GTF3C5: variants seen among roughly 807,000 people sequenced by gnomAD.
GTF3C5 encodes the protein general transcription factor 3C polypeptide 5.
In GTF3C5, 47 loss-of-function variants were observed where a neutral mutation model predicts 61.0. That is an observed-to-expected ratio of 0.77 (90% confidence interval 0.61 to 0.98). The LOEUF (loss-of-function observed/expected upper bound fraction) is 0.98, where lower values mean the gene tolerates loss of function less well. Ranked by LOEUF, GTF3C5 falls within the 50% of genes least tolerant of loss-of-function variation. GTF3C5 has a pLI of 0.00. For synonymous variants in GTF3C5, 295 were observed against 275.4 expected, an observed-to-expected ratio of 1.07 and a Z score of -0.71; for missense variants, 659 against 703.3, an observed-to-expected ratio of 0.94 and a Z score of 0.71.
At chr9:133,036,418 A>G (rs1849861338) in intron 1 of GTF3C5, among the ~76,000 whole-genome samples, 1 of 152,154 alleles carries the variant, frequency 6.6e-6, no homozygotes, top group Non-Finnish European at 1.5e-5. Flanking sequence ...TGCTTTCTTC[A>G]GTTAACAAAG....
upstream of GTF3C5, chr9:133,030,750 C>G: frequency 3.4e-6 from 2 of 586,924 alleles, no homozygotes; most frequent in East Asian, 3.0e-5. Flanking sequence ...GTAGGAGAGA[C>G]TGGTGCTTGC....
intron 1 of GTF3C5, among the ~76,000 whole-genome samples, chr9:133,038,336 G>A (rs1849937647): frequency 6.6e-6 from 1 of 152,096 alleles, no homozygotes; most frequent in Non-Finnish European, 1.5e-5. Context: ...AACGGAGAGT[G>A]TGGTGGACTC....
At chr9:133,052,918 C>T (rs753689244) in intron 5 of GTF3C5, among the ~76,000 whole-genome samples, 41 of 152,162 alleles carry the variant, frequency 2.7e-4, no homozygotes, top group Non-Finnish European at 5.7e-4. Context: ...CTGCAACCTC[C>T]GCCTCTGGGA....
At chr9:133,042,745 A>G (rs1014133281) in intron 2 of GTF3C5, among the ~76,000 whole-genome samples, 7 of 152,078 alleles carry the variant, frequency 4.6e-5, no homozygotes, top group South Asian at 4.1e-4. Context: ...GGAGCCCTCA[A>G]TCAGGTTTCC....
chr9:133,038,411 G>A (rs1034599355), intron 1 of GTF3C5, among the ~76,000 whole-genome samples: 2 of 151,876 alleles, frequency 1.3e-5, no homozygotes, highest in African/African-American at 4.8e-5. Context: ...TCTCCCCAGG[G>A]GACAGAGGGG....
chr9:133,052,391 A>G (rs1461251395), intron 5 of GTF3C5, among the ~76,000 whole-genome samples: 2 of 77,852 alleles, frequency 2.6e-5, no homozygotes, highest in African/African-American at 1.0e-4. Flanking sequence ...TGGCACCCCC[A>G]TCCTTCCTTC....
At chr9:133,046,528 G>A (rs1288254602) in intron 3 of GTF3C5, among the ~76,000 whole-genome samples, 3 of 152,166 alleles carry the variant, frequency 2.0e-5, no homozygotes, top group Admixed American at 2.0e-4. Flanking sequence ...TCTTTGAAGG[G>A]GTGGGAGGGC....
chr9:133,049,830 C>T (rs910587381), intron 3 of GTF3C5, among the ~76,000 whole-genome samples: 12 of 152,104 alleles, frequency 7.9e-5, no homozygotes, highest in Non-Finnish European at 1.5e-4. Context: ...TAAGGCGCAG[C>T]GATTTCTCCT....
intron 5 of GTF3C5, among the ~76,000 whole-genome samples, chr9:133,052,978 G>A (rs565462556): frequency 7.9e-5 from 12 of 151,952 alleles, no homozygotes; most frequent in African/African-American, 2.9e-4. Flanking sequence ...GAGTACAGGC[G>A]CACGCCACCA....
At chr9:133,055,914 C>A in intron 8 of GTF3C5, 98 bp from the exon 9 acceptor site, 1 of 1,556,916 alleles carries the variant, frequency 6.4e-7, no homozygotes, top group Non-Finnish European at 8.7e-7. Context: ...CAGCCAGCTC[C>A]CTGGAGAGAC....
Position 133,054,454 on chromosome 9 carries a change from C to T in GTF3C5, c.1035C>T (p.Tyr345=). The T allele has an allele frequency of 6.2e-7, 1 of 1,614,180 alleles. No homozygotes were observed. The highest frequency in any genetic ancestry group is 8.5e-7 in the Non-Finnish European group (1 of 1,180,026). The change falls in exon 7 of 11, where the codon TAC becomes TAT. Residue 345 remains tyrosine, a synonymous_variant. Transcript: ENST00000372097. The part of the protein sequence containing the change: ...DLPVKAKRST[Y]NYSLPITVKK... ...CGGTCAAAGCAAAGCGCAGCACCTACAACTACAGCCTCCCCATCACCGTCA... is the reference window on the plus strand; with the variant it reads ...CGGTCAAAGCAAAGCGCAGCACCTATAACTACAGCCTCCCCATCACCGTCA...
upstream of GTF3C5, chr9:133,030,828 A>G: frequency 1.4e-6 from 1 of 702,884 alleles, no homozygotes; most frequent in Non-Finnish European, 2.6e-6. Flanking sequence ...GTTTTCCCGA[A>G]GACATGGGCC....
At position 133,043,856 on chromosome 9, in the gene GTF3C5, A is replaced by G. The variant is rs774324292; in HGVS notation, c.502A>G (p.Ile168Val). 1.2e-6 allele frequency: 2 copies of G among 1,614,014 alleles called. No individual in the cohort carries two copies. The highest frequency in any genetic ancestry group is 1.7e-5 in the Admixed American group (1 of 60,004). Residue 168 changes from isoleucine (I) to valine (V), a missense_variant, in exon 3 of 11, where the codon ATC (isoleucine) becomes GTC (valine). Ile to Val is a conservative substitution (Grantham distance 29). Coordinates refer to ENST00000372097, the MANE Select transcript of GTF3C5 (RefSeq NM_012087.4). ...AFFHQELPLY[I>V]PPPIFSRLDA... is the part of the protein sequence containing the mutation. ...TTTCCACCAGGAGCTGCCGCTCTAC[A>G]TCCCCCCACCCATCTTCTCCCGGCT...
Position 133,043,824 on chromosome 9 carries a change from A to C in GTF3C5, c.470A>C (p.Glu157Ala), listed in dbSNP as rs751042827. 24 of 1,613,860 alleles carry C rather than the reference A, an allele frequency of 1.5e-5. No homozygotes were observed. The South Asian group carries it at 2.4e-4, about 16-fold the overall frequency. Residue 157 changes from glutamate (E) to alanine (A), a missense_variant, in exon 3 of 11, where the codon GAG (glutamate) becomes GCG (alanine). By Grantham distance (107) the Glu-to-Ala change is moderately radical. Coordinates refer to ENST00000372097, the MANE Select transcript of GTF3C5 (RefSeq NM_012087.4). ...GTGCTCATGCTCCGGCCCGAGAAGGAGGCCTTTTTCCACCAGGAGCTGCCG... is the reference window on the plus strand; with the variant it reads ...GTGCTCATGCTCCGGCCCGAGAAGGCGGCCTTTTTCCACCAGGAGCTGCCG... ...DKVLMLRPEK[E>A]AFFHQELPLY...
intron 5 of GTF3C5, among the ~76,000 whole-genome samples, chr9:133,053,611 G>A (rs191388282): frequency 1.3e-5 from 2 of 152,282 alleles, no homozygotes; most frequent in East Asian, 3.9e-4. Context: ...ACAGGAAAGG[G>A]TGCTCCTTTT....
upstream of GTF3C5, chr9:133,030,816 T>G (rs1588457708): frequency 1.5e-6 from 1 of 683,664 alleles, no homozygotes; most frequent in South Asian, 1.6e-5. Context: ...GACACGGCGG[T>G]CGTTTTCCCG....
chr9:133,054,677 T>G, intron 7 of GTF3C5, 35 bp from the exon 8 acceptor site: 1 of 1,531,048 alleles, frequency 6.5e-7, no homozygotes, highest in South Asian at 1.2e-5. Flanking sequence ...CTCCCCACCC[T>G]GCACATTCCA....
At chr9:133,040,724 GTAACCC>G (rs981131457) in intron 1 of GTF3C5, among the ~76,000 whole-genome samples, 15 of 152,048 alleles carry the variant, frequency 9.9e-5, no homozygotes, top group Non-Finnish European at 2.2e-4. Context: ...GTTAGAGTAG[GTAACCC>G]TAGACAAGCC....
intron 1 of GTF3C5, among the ~76,000 whole-genome samples, chr9:133,041,288 C>T (rs973814845): frequency 5.9e-5 from 9 of 152,196 alleles, no homozygotes; most frequent in South Asian, 2.1e-4. Context: ...CAGACCTGCC[C>T]GCAGTTATCC....
Sources: gnomAD v4.1 joint callset for allele counts (sites outside exome capture counted in the v4.1 genomes callset) on GRCh38, gnomAD v4.1.1 for gene constraint, MANE v1.5 for transcripts, NCBI Gene and HGNC (gene_info 2026-07-23, HGNC 2026-07-21) for gene names.